THEMIS: variants seen among roughly 807,000 people sequenced by gnomAD.
THEMIS encodes thymocyte selection associated, also known as protein THEMIS.
In THEMIS, 37 loss-of-function variants were observed where a neutral mutation model predicts 52.6. That is an observed-to-expected ratio of 0.70 (90% CI 0.54 to 0.93). THEMIS has a LOEUF of 0.93. THEMIS is among the 40% of genes least tolerant of loss of function. THEMIS has a pLI of 0.00. For missense variants in THEMIS, 808 were observed against 763.1 expected, an observed-to-expected ratio of 1.06 and a Z score of -0.69; for synonymous variants, 292 against 272.7, an observed-to-expected ratio of 1.07 and a Z score of -0.70.
At chr6:127,881,870 T>G (rs1283828406) in intron 1 of THEMIS, among the ~76,000 whole-genome samples, 1 of 151,874 alleles carries the variant, frequency 6.6e-6, no homozygotes, top group African/African-American at 2.4e-5. Flanking sequence ...CTTCACATTT[T>G]TATCTTTATT....
chr6:127,732,601 T>C (rs1774850930), intron 4 of THEMIS, among the ~76,000 whole-genome samples: 1 of 152,202 alleles, frequency 6.6e-6, no homozygotes, highest in South Asian at 2.1e-4. Flanking sequence ...ACACCTAGTA[T>C]CATAGTTTAA....
chr6:127,861,783 C>CAAAAAAAAAAAAAAAA (rs1225783673), intron 1 of THEMIS, among the ~76,000 whole-genome samples: 8 of 95,704 alleles, frequency 8.4e-5, no homozygotes, highest in South Asian at 3.1e-4. Context: ...GACTCCATCT[C>CAAAAAAAAAAAAAAAA]AAAAAAAAAA....
chr6:127,909,301 C>A (rs1041650085), intron 1 of THEMIS, among the ~76,000 whole-genome samples: 1 of 152,030 alleles, frequency 6.6e-6, no homozygotes, highest in African/African-American at 2.4e-5. Context: ...ACCTAAGACT[C>A]ACCTTGAATT....
At chr6:127,730,496 G>T (rs1774753631) in intron 4 of THEMIS, among the ~76,000 whole-genome samples, 1 of 147,366 alleles carries the variant, frequency 6.8e-6, no homozygotes, top group Non-Finnish European at 1.5e-5. Flanking sequence ...AAGAAAGAAA[G>T]AAATGAAAAA....
At chr6:127,726,839 C>T (rs142528476) in intron 4 of THEMIS, among the ~76,000 whole-genome samples, 106 of 152,292 alleles carry the variant, frequency 7.0e-4, no homozygotes, top group Non-Finnish European at 1.4e-3. Context: ...GTGCTTCTTG[C>T]TACTCTAACG....
chr6:127,801,422 G>T (rs1313365653), intron 4 of THEMIS, among the ~76,000 whole-genome samples: 2 of 152,260 alleles, frequency 1.3e-5, no homozygotes, highest in African/African-American at 2.4e-5. Context: ...TGGCTGACCT[G>T]CAACAAAAGG....
intron 2 of THEMIS, among the ~76,000 whole-genome samples, chr6:127,833,788 TA>T (rs1562288324): frequency 2.6e-5 from 4 of 152,074 alleles, no homozygotes; most frequent in Non-Finnish European, 5.9e-5. Context: ...GGGGTAGTCT[TA>T]AAAAATATAC....
chr6:127,779,434 G>C (rs1447268391), intron 4 of THEMIS, among the ~76,000 whole-genome samples: 1 of 152,094 alleles, frequency 6.6e-6, no homozygotes, highest in East Asian at 1.9e-4. Context: ...AGAAGAGATA[G>C]TTAGATTAAC....
Position 127,813,480 on chromosome 6 carries a change from G to A in THEMIS, c.1161C>T (p.Asp387=), listed in dbSNP as rs778532192. 1 of 1,613,952 alleles carries A rather than the reference G, an allele frequency of 6.2e-7. No individual in the cohort carries two copies. The change falls in exon 4 of 6, where the codon GAC becomes GAT. Residue 387 remains aspartate, a synonymous_variant. Transcript: ENST00000368248. ...TCTCTGACTGATGCACCAGAAACTG[G>A]TCCCCAACAGATACGGATGACAGCT... ...HDKLSSVSVG[D]QFLVHQSETT...
At chr6:127,815,560 C>A (rs1778098630) in intron 3 of THEMIS, among the ~76,000 whole-genome samples, 1 of 151,952 alleles carries the variant, frequency 6.6e-6, no homozygotes, top group Non-Finnish European at 1.5e-5. Flanking sequence ...GGCTAAAGAT[C>A]TGCAAAATTG....
chr6:127,864,204 G>A (rs1779900288), intron 1 of THEMIS, among the ~76,000 whole-genome samples: 1 of 151,724 alleles, frequency 6.6e-6, no homozygotes, highest in Non-Finnish European at 1.5e-5. Context: ...GACCAAGGGG[G>A]GCACAGTGCA....
intron 2 of THEMIS, among the ~76,000 whole-genome samples, chr6:127,852,825 C>A (rs895657187): frequency 6.6e-6 from 1 of 151,300 alleles, no homozygotes; most frequent in East Asian, 1.9e-4. Context: ...GAAACTATAC[C>A]CTGACCAGTG....
intron 4 of THEMIS, among the ~76,000 whole-genome samples, chr6:127,805,074 T>C (rs1254832032): frequency 1.3e-5 from 2 of 152,126 alleles, no homozygotes; most frequent in African/African-American, 2.4e-5. Context: ...CTTGTGGCCT[T>C]TAATGTACAG....
chr6:127,771,290 C>T (rs1776376180), intron 4 of THEMIS, among the ~76,000 whole-genome samples: 1 of 152,116 alleles, frequency 6.6e-6, no homozygotes, highest in Non-Finnish European at 1.5e-5. Flanking sequence ...AAGAACATTC[C>T]ATGCTCATGG....
intron 4 of THEMIS, among the ~76,000 whole-genome samples, chr6:127,771,709 A>T (rs527589330): frequency 6.6e-6 from 1 of 152,278 alleles, no homozygotes; most frequent in South Asian, 2.1e-4. Context: ...CATTAATTAC[A>T]ATTCACTTAA....
intron 4 of THEMIS, among the ~76,000 whole-genome samples, chr6:127,806,088 G>C (rs1777693026): frequency 6.6e-6 from 1 of 151,850 alleles, no homozygotes. Context: ...TAGGAAATTG[G>C]CAATTCAAAT....
intron 1 of THEMIS, among the ~76,000 whole-genome samples, chr6:127,866,301 C>G (rs1779973930): frequency 6.6e-6 from 1 of 151,912 alleles, no homozygotes; most frequent in Admixed American, 6.6e-5. Flanking sequence ...TATAAGCTAG[C>G]TACATATAGT....
chr6:127,811,349 T>C (rs952655847), intron 4 of THEMIS, among the ~76,000 whole-genome samples: 3 of 152,224 alleles, frequency 2.0e-5, no homozygotes, highest in Non-Finnish European at 2.9e-5. Context: ...TGATTCCTTG[T>C]CTTCTCTGGC....
At chr6:127,892,570 T>C (rs951836574) in intron 1 of THEMIS, among the ~76,000 whole-genome samples, 1 of 151,908 alleles carries the variant, frequency 6.6e-6, no homozygotes, top group Non-Finnish European at 1.5e-5. Flanking sequence ...ATTATTAGGA[T>C]GTATGTAAGC....
Sources: allele counts gnomAD v4.1 joint callset (sites outside exome capture counted in the v4.1 genomes callset), GRCh38; gene constraint gnomAD v4.1.1; transcripts MANE v1.5; gene names NCBI Gene and HGNC (gene_info 2026-07-23, HGNC 2026-07-21).